HTR3D: variants seen among roughly 807,000 people sequenced by gnomAD.
The protein encoded by HTR3D is 5-hydroxytryptamine receptor 3D.
HTR3D carries 47 observed loss-of-function variants against 45.8 expected under a neutral mutation model. That is an observed-to-expected ratio of 1.03 (90% confidence interval 0.81 to 1.31). The LOEUF (loss-of-function observed/expected upper bound fraction) is 1.31. HTR3D is among the 50% of genes most tolerant of loss of function. The probability of loss-of-function intolerance (pLI) is 0.00; values close to 1 mark genes in which losing one functional copy is unlikely to be tolerated. For synonymous variants in HTR3D, 203 were observed against 199.8 expected (o/e 1.02, Z -0.13); for missense variants, 448 against 506.9 (o/e 0.88, Z 1.12).
Position 184,039,184 on chromosome 3 carries a change from C to T in HTR3D, c.*209C>T. ...TGCATGCCATCAGCCCCACTCAGCC[C>T]TCCCATACCTCCCTGGCTCCTCAGG... On this transcript the variant is annotated 3_prime_UTR_variant, in exon 8 of 8. Coordinates refer to ENST00000428798, the MANE Select transcript of HTR3D (RefSeq NM_001145143.1). 1 of 568,456 alleles carries T rather than the reference C, an allele frequency of 1.8e-6. No individual in the cohort carries two copies. The highest frequency in any genetic ancestry group is 2.4e-5 in the South Asian group (1 of 41,934). 35.2% of individuals were successfully genotyped at this position (568,456 alleles called of 1,614,324 possible). A position where few individuals can be genotyped will look rare whatever the true frequency, so the allele number is the denominator to read the frequency against.
chr3:184,034,990 T>C, intron 1 of HTR3D, 188 bp from the exon 2 acceptor site: 3 of 1,346,974 alleles, frequency 2.2e-6, no homozygotes, highest in Non-Finnish European at 2.0e-6. Flanking sequence ...CAATGGACCT[T>C]CATACTGTGT....
upstream of HTR3D, chr3:184,031,727 G>C: frequency 6.5e-7 from 1 of 1,547,116 alleles, no homozygotes; most frequent in Non-Finnish European, 8.7e-7. Context: ...CCAGAGAAGT[G>C]CCAAAGAGAG....
Position 184,038,696 on chromosome 3 carries a change from C to G in HTR3D, c.986-50C>G. 6.4e-7 allele frequency: 1 copy of G among 1,561,238 alleles called. No homozygotes were observed. The highest frequency in any genetic ancestry group is 2.4e-5 in the East Asian group (1 of 42,248). On this transcript the variant is annotated intron_variant, in intron 7 of 7. Transcript: ENST00000428798. The surrounding 1 kb of genome is among the most constrained non-coding windows in gnomAD (Gnocchi z 4.5). Reference sequence around the variant, plus strand: ...CCTGCCTCCTTCCCTGTCTCCCTCCCTCCACAGGTGACATTTGCAGCCCAT... The same window carrying G: ...CCTGCCTCCTTCCCTGTCTCCCTCCGTCCACAGGTGACATTTGCAGCCCAT...
intron 1 of HTR3D, among the ~76,000 whole-genome samples, chr3:184,032,052 T>C (rs1722765753): frequency 6.7e-6 from 1 of 149,258 alleles, no homozygotes; most frequent in East Asian, 2.0e-4. Context: ...TAGAGTGCAG[T>C]GGCAATATCT....
upstream of HTR3D, chr3:184,031,705 A>G (rs544592531): frequency 2.3e-5 from 33 of 1,461,858 alleles, no homozygotes; most frequent in Middle Eastern, 1.7e-4. Context: ...GGTTAACATC[A>G]TCATCAAGTA....
chr3:184,032,741 T>C (rs370533887), intron 1 of HTR3D: 19 of 930,212 alleles, frequency 2.0e-5, no homozygotes, highest in Admixed American at 9.1e-5. Context: ...CTCATCAGTT[T>C]CCACCATTTG....
intron 5 of HTR3D, 41 bp downstream of exon 5, chr3:184,036,937 A>G (rs1465223678): frequency 1.9e-6 from 3 of 1,539,868 alleles, no homozygotes; most frequent in Non-Finnish European, 8.8e-7. Context: ...CATGTTGGCC[A>G]GGCTGGTCTT....
intron 3 of HTR3D, 107 bp from the exon 4 acceptor site, chr3:184,036,268 G>C (rs1231501445): frequency 1.3e-6 from 2 of 1,512,206 alleles, no homozygotes; most frequent in East Asian, 4.9e-5. Context: ...AGTCATCTGA[G>C]TGGGGCTGGA....
At chr3:184,034,417 G>A (rs755039531) in intron 1 of HTR3D, among the ~76,000 whole-genome samples, 4 of 152,176 alleles carry the variant, frequency 2.6e-5, no homozygotes, top group Admixed American at 6.6e-5. Context: ...GCCAGGGGTT[G>A]GAGAGAGGGT....
rs551835761 is a variant in HTR3D, at chr3:184,037,044, T to C, written c.516+148T>C. The C allele has an allele frequency of 2.6e-5, 19 of 719,238 alleles. No homozygotes were observed. The East Asian group carries it at 5.3e-4, about 20-fold the overall frequency. 44.6% of individuals were successfully genotyped at this position (719,238 alleles called of 1,614,324 possible). A position where few individuals can be genotyped will look rare whatever the true frequency, so the allele number is the denominator to read the frequency against. ...AGCCCGGCCTTTGTCACTCTTTTTT[T>C]TTTTTTAAATTTGAGATAGAGTTTT... On this transcript the variant is annotated intron_variant, in intron 5 of 7. Transcript: ENST00000428798.
Position 184,032,688 on chromosome 3 carries a change from G to T in HTR3D, c.66+881G>T. 4 of 664,696 alleles carry T rather than the reference G, an allele frequency of 6.0e-6. No individual in the cohort carries two copies. In the South Asian group the frequency reaches 7.6e-5, roughly 13 times the overall value. The allele number at this position is 664,696 out of a possible 1,614,324, so 41.2% of individuals were successfully genotyped here. ...CACATCTGGACAGGTTTTGCATGGG[G>T]ACAAAACAATGGCACTGAGGATGGA... On this transcript the variant is annotated intron_variant, in intron 1 of 7. Coordinates refer to ENST00000428798, the MANE Select transcript of HTR3D (RefSeq NM_001145143.1).
At chr3:184,033,199 C>A in intron 1 of HTR3D, 1 of 623,594 alleles carries the variant, frequency 1.6e-6, no homozygotes, top group East Asian at 2.9e-5. Context: ...CAGCTCACTG[C>A]AACCTCTGCC....
At position 184,036,815 on chromosome 3, in the gene HTR3D, G is replaced by A. The variant is rs1445917752; in HGVS notation, c.435G>A (p.Arg145=). Residue 145 remains arginine, a synonymous_variant, in exon 5 of 8, where the codon AGG becomes AGA. Coordinates refer to ENST00000428798, the MANE Select transcript of HTR3D (RefSeq NM_001145143.1). ...IHHRTSFRTR[R]EWVLLGIQKR... ...ACAGAACCTCATTCAGAACAAGGAG[G>A]GAGTGGGTACTGCTGGGTATCCAAA... 1.3e-6 allele frequency: 2 copies of A among 1,551,916 alleles called. No homozygotes were observed. The highest frequency in any genetic ancestry group is 1.7e-6 in the Non-Finnish European group (2 of 1,147,038).
In HTR3D at chr3:184,036,060, A is replaced by G; in HGVS notation, c.157A>G (p.Thr53Ala). The change falls in exon 3 of 8, where the codon ACT becomes GCT. Residue 53 changes from threonine (T) to alanine (A), a missense_variant. Transcript: ENST00000428798. ...CGGIKKSGMA[T>A]ENLWLSDVFI... is the part of the protein sequence containing the mutation. ...AGGCATCAAGAAGTCCGGCATGGCA[A>G]CTGAGAACCTATGGCTTTCAGATGT... 1.3e-6 allele frequency: 2 copies of G among 1,551,636 alleles called. No homozygotes were observed. The highest frequency in any genetic ancestry group is 8.7e-7 in the Non-Finnish European group (1 of 1,146,974).
In HTR3D at chr3:184,038,646, C is replaced by T; in HGVS notation, c.985+22C>T. The stretch of plus-strand genomic sequence containing the variant: ...CCCGGTGAGGGAAGTCATACTTCCT[C>T]TTCCCCCACCTCCACTTCTCTGCTC... On this transcript the variant is annotated intron_variant, in intron 7 of 7. Coordinates refer to ENST00000428798, the MANE Select transcript of HTR3D (RefSeq NM_001145143.1). This position sits in a 1 kb window ranked among gnomAD's most constrained non-coding sequence, Gnocchi z 4.5. 1 of 1,599,164 alleles carries T rather than the reference C, an allele frequency of 6.3e-7. No individual in the cohort carries two copies. Among genetic ancestry groups the T allele is most frequent in the Middle Eastern group, 1.7e-4 (1 of 6,004 alleles).
At chr3:184,035,690 C>CTT (rs760703035) in intron 2 of HTR3D, among the ~76,000 whole-genome samples, 43 of 143,064 alleles carry the variant, frequency 3.0e-4, no homozygotes, top group Admixed American at 1.3e-3. Context: ...ACAATCAATT[C>CTT]TTTTTTTTTT....
At chr3:184,035,511 G>A (rs1722860181) in intron 2 of HTR3D, among the ~76,000 whole-genome samples, 1 of 152,130 alleles carries the variant, frequency 6.6e-6, no homozygotes, top group Non-Finnish European at 1.5e-5. Flanking sequence ...GCTCTGTCTT[G>A]AGAAAACTGA....
At position 184,035,219 on chromosome 3, in the gene HTR3D, T is replaced by C; in HGVS notation, c.108T>C (p.Asn36=). The part of the protein sequence containing the change: ...LQLVTSFLWL[N]MWNPDECGGI... The stretch of plus-strand genomic sequence containing the variant: ...TGGTGACATCGTTCCTGTGGCTAAA[T>C]ATGGTATGACAGACTCAGTTTCCCC... The change falls in exon 2 of 8, where the codon AAT becomes AAC. Residue 36 remains asparagine (N), a synonymous_variant. Coordinates refer to ENST00000428798, the MANE Select transcript of HTR3D (RefSeq NM_001145143.1). 1 of 1,552,236 alleles carries C rather than the reference T, an allele frequency of 6.4e-7. No individual in the cohort carries two copies. The highest frequency in any genetic ancestry group is 8.7e-7 in the Non-Finnish European group (1 of 1,147,068).
intron 2 of HTR3D, among the ~76,000 whole-genome samples, 152 bp downstream of exon 2, chr3:184,035,374 C>T (rs1722856056): frequency 6.6e-6 from 1 of 152,146 alleles, no homozygotes; most frequent in South Asian, 2.1e-4. Flanking sequence ...ACAAAACTTT[C>T]TGATTATTCT....
Sources: allele counts gnomAD v4.1 joint callset (sites outside exome capture counted in the v4.1 genomes callset), GRCh38; gene constraint gnomAD v4.1.1; non-coding constraint Gnocchi (gnomAD v3.1); transcripts MANE v1.5; gene names NCBI Gene and HGNC (gene_info 2026-07-23, HGNC 2026-07-21).